Variants in CAMTA1 observed in about 807,000 individuals in gnomAD.
The protein encoded by CAMTA1 is calmodulin binding transcription activator 1.
In CAMTA1, 27 loss-of-function variants were observed where a neutral mutation model predicts 170.9. The ratio of observed to expected loss-of-function variants is 0.16; its 90% CI spans 0.12 to 0.22. CAMTA1 has a LOEUF of 0.22. CAMTA1 is among the 10% of genes least tolerant of loss of function. The pLI is 1.00. For missense variants in CAMTA1, 1,619 were observed against 2,217.2 expected (o/e 0.73, Z 5.42); for synonymous variants, 833 against 891.5 (o/e 0.93, Z 1.17).
chr1:7,358,997 A>T (rs538667542), intron 5 of CAMTA1, among the ~76,000 whole-genome samples: 1 of 152,180 alleles, frequency 6.6e-6, no homozygotes, highest in South Asian at 2.1e-4. Context: ...TCAGCAGCCC[A>T]TGTGGCACAC....
intron 1 of CAMTA1, among the ~76,000 whole-genome samples, chr1:6,813,706 T>C (rs1645451426): frequency 6.6e-6 from 1 of 152,012 alleles, no homozygotes; most frequent in African/African-American, 2.4e-5. Context: ...ACTGCAGCCT[T>C]GAACTCCTGG....
intron 7 of CAMTA1, among the ~76,000 whole-genome samples, chr1:7,654,128 C>T (rs554992439): frequency 6.6e-6 from 1 of 152,042 alleles, no homozygotes. Context: ...CACCTGTAAT[C>T]CCTGCACTTC....
chr1:7,214,859 C>T (rs78437889), intron 4 of CAMTA1, among the ~76,000 whole-genome samples: 24,613 of 81,282 alleles, frequency 0.3, 2,203 homozygotes, highest in African/African-American at 0.39. Flanking sequence ...TTCTTTCTTT[C>T]TTTTTTTTTT....
chr1:7,627,757 T>C (rs1262552477), intron 6 of CAMTA1, among the ~76,000 whole-genome samples: 2 of 152,196 alleles, frequency 1.3e-5, no homozygotes, highest in African/African-American at 4.8e-5. Context: ...CGTTTTAGAT[T>C]CTTTATGTGT....
intron 5 of CAMTA1, among the ~76,000 whole-genome samples, chr1:7,419,610 T>C (rs2091427966): frequency 6.6e-6 from 1 of 152,176 alleles, no homozygotes; most frequent in Non-Finnish European, 1.5e-5. Context: ...ACTGATTCCC[T>C]GGGCCTGGCC....
At chr1:7,184,321 G>T (rs1242812147) in intron 4 of CAMTA1, among the ~76,000 whole-genome samples, 1 of 152,146 alleles carries the variant, frequency 6.6e-6, no homozygotes, top group Non-Finnish European at 1.5e-5. Context: ...ACAATAGGGT[G>T]TCTATAGTCA....
In CAMTA1 at chr1:6,977,157, CG is replaced by C. The variant is rs1417302018; in HGVS notation, c.235-114144del. Among the ~76,000 whole-genome samples, 6 of 152,132 alleles carry C rather than the reference CG, an allele frequency of 3.9e-5. No individual in the cohort carries two copies. The East Asian group carries it at 7.7e-4, about 20-fold the overall frequency. On this transcript the variant is annotated intron_variant, in intron 3 of 22. Transcript: ENST00000303635. ...GGATGGGGGAGAAGGTCGTGTGGGTCGGGTCCTGCTGTTGGAAGTTGCAACC... is the reference window on the plus strand; with the variant it reads ...GGATGGGGGAGAAGGTCGTGTGGGTCGGTCCTGCTGTTGGAAGTTGCAACC...
chr1:6,874,044 T>A (rs984692796), intron 3 of CAMTA1: 1 of 152,242 alleles, frequency 6.6e-6, no homozygotes, highest in African/African-American at 2.4e-5. Context: ...TTGTAAGACA[T>A]TTCATCGATG....
chr1:7,185,079 G>T (rs541021836), intron 4 of CAMTA1, among the ~76,000 whole-genome samples: 1 of 152,332 alleles, frequency 6.6e-6, no homozygotes, highest in South Asian at 2.1e-4. Flanking sequence ...CTCAATCAGT[G>T]AAGGGAGTTA....
intron 6 of CAMTA1, among the ~76,000 whole-genome samples, chr1:7,571,038 A>G (rs1338263097): frequency 2.0e-5 from 3 of 152,170 alleles, no homozygotes; most frequent in South Asian, 4.1e-4. Flanking sequence ...CTCTGCAACA[A>G]TCTGTGCCCA....
chr1:6,948,492 G>T (rs1448480380), intron 3 of CAMTA1, among the ~76,000 whole-genome samples: 1 of 152,190 alleles, frequency 6.6e-6, no homozygotes, highest in Admixed American at 6.5e-5. Flanking sequence ...TAGCAACCCT[G>T]TCAGATAAGA....
At chr1:7,515,665 C>G (rs2094274606) in intron 6 of CAMTA1, among the ~76,000 whole-genome samples, 1 of 152,132 alleles carries the variant, frequency 6.6e-6, no homozygotes, top group Non-Finnish European at 1.5e-5. Context: ...CACCAGTGAG[C>G]AAATCCAGAG....
intron 6 of CAMTA1, among the ~76,000 whole-genome samples, chr1:7,623,502 A>G (rs1373523241): frequency 6.6e-6 from 1 of 152,192 alleles, no homozygotes; most frequent in African/African-American, 2.4e-5. Flanking sequence ...CCTAGAAATG[A>G]AGGAAACACA....
In CAMTA1 at chr1:7,769,021, C is replaced by T. The variant is rs927619077; in HGVS notation, c.*2530C>T. 1 of 152,044 alleles carries T rather than the reference C, an allele frequency of 6.6e-6. No individual in the cohort carries two copies. The highest frequency in any genetic ancestry group is 1.5e-5 in the Non-Finnish European group (1 of 67,962). The allele number at this position is 152,044 out of a possible 1,614,324, so 9.4% of individuals were successfully genotyped here. A position where few individuals can be genotyped will look rare whatever the true frequency, so the allele number is the denominator to read the frequency against. On this transcript the variant is annotated 3_prime_UTR_variant, in exon 23 of 23. Transcript: ENST00000303635. Reference sequence around the variant, plus strand: ...CCCTCACATTTTTTTTTTAATGTTTCACATGTTACATTATTAGCTGAATAC... The same window carrying T: ...CCCTCACATTTTTTTTTTAATGTTTTACATGTTACATTATTAGCTGAATAC...
At chr1:7,646,378 A>G (rs1254686948) in intron 7 of CAMTA1, among the ~76,000 whole-genome samples, 8 of 115,310 alleles carry the variant, frequency 6.9e-5, no homozygotes, top group African/African-American at 1.7e-4. Context: ...TGGAGGCCAT[A>G]GTGAGTGTGG....
At chr1:7,253,982 A>T (rs1422970545) in intron 5 of CAMTA1, among the ~76,000 whole-genome samples, 1 of 152,096 alleles carries the variant, frequency 6.6e-6, no homozygotes, top group Non-Finnish European at 1.5e-5. Flanking sequence ...TGCAACCCTG[A>T]TGCAGGGTTT....
Position 7,437,570 on chromosome 1 carries a change from T to G in CAMTA1, c.439-30260T>G, listed in dbSNP as rs750036893. 5.9e-5 allele frequency among the ~76,000 whole-genome samples: 9 copies of G among 152,262 alleles called. No individual in the cohort carries two copies. The South Asian group carries it at 8.3e-4, about 14-fold the overall frequency. On this transcript the variant is annotated intron_variant, in intron 5 of 22. Transcript: ENST00000303635. ...TTACATCTGCAGAGACTTTCCAAAT[T>G]AGGCCACATTCTGAGGTCCTGGGGG... is the stretch of plus-strand genomic sequence containing the variant.
At chr1:7,531,857 G>C (rs1428248446) in intron 6 of CAMTA1, among the ~76,000 whole-genome samples, 1 of 152,236 alleles carries the variant, frequency 6.6e-6, no homozygotes, top group Non-Finnish European at 1.5e-5. Context: ...CTGGTCAGGT[G>C]GTCCTGTTCC....
chr1:7,103,999 A>T (rs62648310), intron 4 of CAMTA1, among the ~76,000 whole-genome samples: 4 of 150,690 alleles, frequency 2.7e-5, no homozygotes, highest in Non-Finnish European at 5.9e-5. Flanking sequence ...TACACACATG[A>T]ACACAACACA....
Sources: gnomAD v4.1 joint callset for allele counts (sites outside exome capture counted in the v4.1 genomes callset) on GRCh38, gnomAD v4.1.1 for gene constraint, MANE v1.5 for transcripts, NCBI Gene and HGNC (gene_info 2026-07-23, HGNC 2026-07-21) for gene names.